Variants in ERC2 observed in about 807,000 individuals in gnomAD.
ERC2 encodes ELKS/RAB6-interacting/CAST family member 2.
In ERC2, 42 loss-of-function variants were observed where a neutral mutation model predicts 114.8. The ratio of observed to expected loss-of-function variants is 0.37; its 90% confidence interval spans 0.29 to 0.47. ERC2 has a LOEUF of 0.47. Among genes scored for constraint, ERC2 ranks in the 20% least tolerant of loss-of-function variants. The pLI is 0.99. For synonymous variants in ERC2, 454 were observed against 425.5 expected (o/e 1.07, Z -0.82); for missense variants, 939 against 1,150.7 (o/e 0.82, Z 2.66).
At chr3:55,701,297 C>A (rs1559519592) in intron 15 of ERC2, among the ~76,000 whole-genome samples, 1 of 147,920 alleles carries the variant, frequency 6.8e-6, no homozygotes, top group Admixed American at 6.7e-5. Flanking sequence ...GAGTCTCTTT[C>A]TTGACATAGA....
chr3:55,890,920 C>A (rs2063567501), intron 13 of ERC2, among the ~76,000 whole-genome samples: 1 of 152,184 alleles, frequency 6.6e-6, no homozygotes, highest in Non-Finnish European at 1.5e-5. Flanking sequence ...TAACTTTTTG[C>A]AAACAATCAC....
intron 17 of ERC2, among the ~76,000 whole-genome samples, chr3:55,604,548 A>G (rs1172670311): frequency 6.6e-6 from 1 of 152,150 alleles, no homozygotes. Context: ...AGGCCAGTGC[A>G]GCATGGCACG....
intron 2 of ERC2, among the ~76,000 whole-genome samples, chr3:56,402,106 A>G (rs58692084): frequency 0.058 from 8,850 of 152,292 alleles, 613 homozygotes; most frequent in East Asian, 0.38. Flanking sequence ...TGATTCAATT[A>G]TCTTCACCTG....
intron 2 of ERC2, among the ~76,000 whole-genome samples, chr3:56,348,958 A>AGG (rs1320300262): frequency 7.3e-6 from 1 of 137,524 alleles, no homozygotes; most frequent in Admixed American, 7.2e-5. Flanking sequence ...GAAGGAAGGA[A>AGG]AGAAAGAAAG....
At chr3:56,347,996 G>A (rs1387575725) in intron 2 of ERC2, among the ~76,000 whole-genome samples, 6 of 152,120 alleles carry the variant, frequency 3.9e-5, no homozygotes, top group African/African-American at 1.2e-4. Flanking sequence ...AGCCAAATCC[G>A]TGTTTGTATT....
At chr3:55,655,452 A>G (rs1464330419) in intron 17 of ERC2, among the ~76,000 whole-genome samples, 2 of 152,218 alleles carry the variant, frequency 1.3e-5, no homozygotes, top group African/African-American at 4.8e-5. Context: ...AGAGTGTTTA[A>G]AAGAATTGAA....
chr3:55,546,232 C>G (rs949496881), intron 17 of ERC2, among the ~76,000 whole-genome samples: 40 of 152,190 alleles, frequency 2.6e-4, no homozygotes, highest in Non-Finnish European at 1.3e-4. Flanking sequence ...GTCCGGCCTC[C>G]CTGCTGGTCC....
At chr3:55,988,862 C>A (rs1223908509) in intron 11 of ERC2, among the ~76,000 whole-genome samples, 1 of 152,176 alleles carries the variant, frequency 6.6e-6, no homozygotes, top group Non-Finnish European at 1.5e-5. Flanking sequence ...GTAGTTTTAT[C>A]CAGCAAATGA....
At position 56,440,633 on chromosome 3, in the gene ERC2, G is replaced by A. The variant is rs1245308425; in HGVS notation, c.-140-5486C>T. On this transcript the variant is annotated intron_variant, in intron 1 of 17. Transcript: ENST00000288221. The stretch of plus-strand genomic sequence containing the variant: ...GCTACTCAGGAGGCTGAGGCAGGAG[G>A]ATTGCTTGAGGACAGCAGTTCAAAA... Among the ~76,000 whole-genome samples, 3 of 152,022 alleles carry A rather than the reference G, an allele frequency of 2.0e-5. No individual in the cohort carries two copies. The East Asian group carries it at 5.8e-4, about 29-fold the overall frequency.
chr3:55,666,921 C>T (rs534577494), intron 17 of ERC2, among the ~76,000 whole-genome samples: 13 of 57,370 alleles, frequency 2.3e-4, no homozygotes, highest in Admixed American at 1.1e-3. Context: ...TAATAGCACA[C>T]GCCTATTAAT....
chr3:56,208,129 T>C (rs940722406), intron 3 of ERC2, among the ~76,000 whole-genome samples: 2 of 152,220 alleles, frequency 1.3e-5, no homozygotes, highest in East Asian at 3.8e-4. Context: ...GGGAATAAAC[T>C]GACGCATCTT....
At chr3:56,273,404 C>A (rs1287929988) in intron 3 of ERC2, among the ~76,000 whole-genome samples, 2 of 151,822 alleles carry the variant, frequency 1.3e-5, no homozygotes, top group Non-Finnish European at 2.9e-5. Context: ...CAGGCACACA[C>A]TACCATACCC....
intron 7 of ERC2, among the ~76,000 whole-genome samples, chr3:56,054,179 A>G (rs1349641421): frequency 6.6e-6 from 1 of 152,258 alleles, no homozygotes; most frequent in Non-Finnish European, 1.5e-5. Flanking sequence ...AATTGTGTAC[A>G]GTACCTGCCT....
chr3:56,307,748 T>A (rs756562800), intron 2 of ERC2, among the ~76,000 whole-genome samples: 1 of 152,092 alleles, frequency 6.6e-6, no homozygotes, highest in Non-Finnish European at 1.5e-5. Context: ...TGTTAATACG[T>A]GTTCTGTTGG....
intron 14 of ERC2, among the ~76,000 whole-genome samples, chr3:55,831,656 G>T (rs1414038248): frequency 6.6e-6 from 1 of 152,136 alleles, no homozygotes; most frequent in Admixed American, 6.5e-5. Context: ...GAACAACTCC[G>T]GTCTACAGCT....
intron 15 of ERC2, among the ~76,000 whole-genome samples, chr3:55,709,913 T>A (rs2063687410): frequency 6.6e-6 from 1 of 152,054 alleles, no homozygotes; most frequent in Non-Finnish European, 1.5e-5. Flanking sequence ...CAAATCCCTC[T>A]CCCCAGCTGG....
chr3:56,045,917 C>G (rs1443409113), intron 7 of ERC2, among the ~76,000 whole-genome samples: 1 of 152,100 alleles, frequency 6.6e-6, no homozygotes, highest in Non-Finnish European at 1.5e-5. Context: ...AAAAAATATA[C>G]TCAATTATTA....
At chr3:55,820,464 G>C (rs901023893) in intron 14 of ERC2, among the ~76,000 whole-genome samples, 6 of 152,128 alleles carry the variant, frequency 3.9e-5, no homozygotes, top group African/African-American at 1.4e-4. Context: ...CAACTCACGT[G>C]AGCTCATAAA....
intron 17 of ERC2, among the ~76,000 whole-genome samples, chr3:55,568,531 G>T (rs923633988): frequency 6.6e-6 from 1 of 152,142 alleles, no homozygotes; most frequent in Non-Finnish European, 1.5e-5. Context: ...TTTCCTTCAT[G>T]TTCCACATCC....
Sources: allele counts gnomAD v4.1 joint callset (sites outside exome capture counted in the v4.1 genomes callset), GRCh38; gene constraint gnomAD v4.1.1; transcripts MANE v1.5; gene names NCBI Gene and HGNC (gene_info 2026-07-23, HGNC 2026-07-21).